Variants in PRKN observed in about 807,000 individuals in gnomAD.
The protein encoded by PRKN is E3 ubiquitin-protein ligase parkin.
Under a neutral mutation model 59.5 loss-of-function variants are expected in PRKN, and 56 were observed. The observed-to-expected ratio is 0.94, with a 90% CI of 0.76 to 1.18. PRKN has a LOEUF of 1.18. PRKN is among the 50% of genes most tolerant of loss of function. The pLI, the probability that PRKN is intolerant of heterozygous loss-of-function variation, is 0.00. For synonymous variants in PRKN, 250 were observed against 222.1 expected (o/e 1.13, Z -1.12); for missense variants, 657 against 596.4 (o/e 1.10, Z -1.06).
intron 9 of PRKN, among the ~76,000 whole-genome samples, chr6:161,510,038 C>A (rs774167903): frequency 2.0e-5 from 3 of 152,130 alleles, no homozygotes; most frequent in Non-Finnish European, 4.4e-5. Context: ...ATGCCCTTGC[C>A]AGGAGGCTAA....
intron 6 of PRKN, among the ~76,000 whole-genome samples, chr6:161,802,107 T>G (rs1791107018): frequency 6.6e-6 from 1 of 152,024 alleles, no homozygotes; most frequent in African/African-American, 2.4e-5. Context: ...TGACCTAAGC[T>G]AGTGTCAATC....
At chr6:162,597,689 A>G (rs1781544883) in intron 1 of PRKN, among the ~76,000 whole-genome samples, 1 of 152,156 alleles carries the variant, frequency 6.6e-6, no homozygotes, top group Non-Finnish European at 1.5e-5. Context: ...TTGAACTTTT[A>G]TCATATACAA....
intron 1 of PRKN, chr6:162,568,730 C>G: frequency 1.3e-6 from 1 of 759,176 alleles, no homozygotes; most frequent in South Asian, 1.3e-5. Context: ...GCAACATGTT[C>G]AAGAGCTACA....
intron 9 of PRKN, among the ~76,000 whole-genome samples, chr6:161,422,399 A>G (rs1294131940): frequency 9.2e-5 from 14 of 151,980 alleles, no homozygotes; most frequent in Admixed American, 2.0e-4. Flanking sequence ...GGGTTTCACC[A>G]TGTTAGTCAG....
chr6:161,715,575 T>C (rs916951687), intron 7 of PRKN, among the ~76,000 whole-genome samples: 1 of 152,224 alleles, frequency 6.6e-6, no homozygotes, highest in African/African-American at 2.4e-5. Flanking sequence ...TTTATAGATT[T>C]AGGGTGGCTG....
chr6:161,540,559 T>C (rs1035140213), intron 9 of PRKN, among the ~76,000 whole-genome samples: 1 of 152,176 alleles, frequency 6.6e-6, no homozygotes, highest in African/African-American at 2.4e-5. Context: ...AAATGAACTA[T>C]TGTGGGCCTA....
chr6:161,962,243 C>G (rs1055221412), intron 6 of PRKN, among the ~76,000 whole-genome samples: 1 of 152,132 alleles, frequency 6.6e-6, no homozygotes, highest in Non-Finnish European at 1.5e-5. Context: ...TAGTGCTAAT[C>G]ACTAAAAAGT....
chr6:161,605,286 T>A (rs1262831826), intron 7 of PRKN, among the ~76,000 whole-genome samples: 3 of 152,152 alleles, frequency 2.0e-5, no homozygotes, highest in Non-Finnish European at 4.4e-5. Context: ...AAAACATATA[T>A]ACAGCTATGT....
chr6:161,724,195 T>C (rs76928494), intron 7 of PRKN, among the ~76,000 whole-genome samples: 4,687 of 152,330 alleles, frequency 0.031, 67 homozygotes, highest in African/African-American at 0.038. Context: ...CTAGTAATGC[T>C]ACTGCAGAGG....
intron 7 of PRKN, among the ~76,000 whole-genome samples, chr6:161,747,995 C>G (rs1027106055): frequency 1.3e-5 from 2 of 152,246 alleles, no homozygotes; most frequent in South Asian, 4.2e-4. Context: ...TTGCTCTTGT[C>G]TTTCGGTGGC....
In PRKN at chr6:161,353,346, A is replaced by G. The variant is rs1242661125; in HGVS notation, c.1286-3135T>C. 6.6e-6 allele frequency among the ~76,000 whole-genome samples: 1 copy of G among 152,164 alleles called. No homozygotes were observed. Among genetic ancestry groups the G allele is most frequent in the Admixed American group, 6.5e-5 (1 of 15,274 alleles). On this transcript the variant is annotated intron_variant, in intron 11 of 11. Transcript: ENST00000366898. The surrounding 1 kb of genome is among the most constrained non-coding windows in gnomAD (Gnocchi z 4.8). ...GGAAGGAATGCTGCACAGGGAGGCC[A>G]AGAAGAATCTAGACCGGCAGGCCTT...
intron 1 of PRKN, among the ~76,000 whole-genome samples, chr6:162,444,774 A>G (rs144266752): frequency 2.8e-4 from 42 of 152,286 alleles, no homozygotes; most frequent in African/African-American, 9.1e-4. Context: ...AGGAAGACCT[A>G]TGAAAAATCC....
intron 5 of PRKN, among the ~76,000 whole-genome samples, chr6:161,979,209 A>T (rs980233924): frequency 1.1e-4 from 16 of 152,292 alleles, no homozygotes; most frequent in Admixed American, 9.8e-4. Context: ...CTTGAAAAAA[A>T]TAAGGCTTTA....
intron 6 of PRKN, among the ~76,000 whole-genome samples, chr6:161,829,217 C>T (rs573680799): frequency 4.6e-5 from 7 of 152,200 alleles, no homozygotes; most frequent in Admixed American, 2.6e-4. Flanking sequence ...CAGAGCCAGA[C>T]TCAAAACAAC....
At chr6:162,523,429 G>A (rs1250180779) in intron 1 of PRKN, among the ~76,000 whole-genome samples, 3 of 152,152 alleles carry the variant, frequency 2.0e-5, no homozygotes, top group Admixed American at 6.6e-5. Context: ...TTGGGAGGCC[G>A]AAGTGGGTGG....
At chr6:161,469,850 TA>T (rs1272638648) in intron 9 of PRKN, among the ~76,000 whole-genome samples, 1 of 152,220 alleles carries the variant, frequency 6.6e-6, no homozygotes, top group African/African-American at 2.4e-5. Flanking sequence ...CACTGGAAAC[TA>T]ATACACATAT....
intron 6 of PRKN, among the ~76,000 whole-genome samples, chr6:161,930,727 T>A (rs1031266530): frequency 3.3e-5 from 5 of 152,224 alleles, no homozygotes; most frequent in Admixed American, 1.3e-4. Context: ...AATAATCAGC[T>A]GATCTTCAGA....
At chr6:162,147,095 C>T (rs760676603) in intron 4 of PRKN, among the ~76,000 whole-genome samples, 24 of 150,506 alleles carry the variant, frequency 1.6e-4, no homozygotes, top group Non-Finnish European at 2.8e-4. Context: ...AATCCCAGCA[C>T]TTTGGGAGGC....
At chr6:162,119,526 C>T (rs182008768) in intron 4 of PRKN, among the ~76,000 whole-genome samples, 1 of 152,282 alleles carries the variant, frequency 6.6e-6, no homozygotes, top group Non-Finnish European at 1.5e-5. Flanking sequence ...GGAGAAGAGG[C>T]AAGGGAACTT....
Sources: gnomAD v4.1 joint callset for allele counts (sites outside exome capture counted in the v4.1 genomes callset) on GRCh38, gnomAD v4.1.1 for gene constraint, Gnocchi (gnomAD v3.1) non-coding constraint, MANE v1.5 for transcripts, NCBI Gene and HGNC (gene_info 2026-07-23, HGNC 2026-07-21) for gene names.